Variants in ATP9B observed in about 807,000 individuals in gnomAD.
ATP9B encodes probable phospholipid-transporting ATPase IIB.
In ATP9B, 110 loss-of-function variants were observed where a neutral mutation model predicts 146.1. The ratio of observed to expected loss-of-function variants is 0.75; its 90% confidence interval spans 0.65 to 0.88. The LOEUF (loss-of-function observed/expected upper bound fraction) is 0.88. ATP9B is among the 40% of genes least tolerant of loss of function. ATP9B has a pLI of 0.00. For synonymous variants in ATP9B, 604 were observed against 569.7 expected, an observed-to-expected ratio of 1.06 and a Z score of -0.86; for missense variants, 1,499 against 1,496.4, an observed-to-expected ratio of 1.00 and a Z score of -0.03.
At chr18:79,302,457 C>G (rs187137056) in intron 13 of ATP9B, among the ~76,000 whole-genome samples, 1 of 150,994 alleles carries the variant, frequency 6.6e-6, no homozygotes, top group Non-Finnish European at 1.5e-5. Flanking sequence ...AGTGCACACA[C>G]CCCCGGGGAC....
chr18:79,277,374 T>C (rs2096323824), intron 13 of ATP9B, 178 bp downstream of exon 13: 1 of 660,850 alleles, frequency 1.5e-6, no homozygotes, highest in Admixed American at 3.0e-5. Context: ...CACAGCTTAA[T>C]CATCTTCTAG....
At chr18:79,241,104 G>T (rs1199636286) in intron 11 of ATP9B, among the ~76,000 whole-genome samples, 2 of 152,198 alleles carry the variant, frequency 1.3e-5, no homozygotes, top group African/African-American at 4.8e-5. Flanking sequence ...CTTATAATTT[G>T]TTAATAAATT....
intron 6 of ATP9B, chr18:79,144,357 C>T (rs1300018044): frequency 6.6e-6 from 1 of 152,228 alleles, no homozygotes; most frequent in East Asian, 1.9e-4. Context: ...TTTTCAGCAC[C>T]AGGAACCAGT....
intron 11 of ATP9B, among the ~76,000 whole-genome samples, chr18:79,227,182 T>C (rs931958750): frequency 8.5e-5 from 13 of 152,110 alleles, no homozygotes; most frequent in African/African-American, 2.7e-4. Context: ...TTTTTTAGTA[T>C]TTTTTGTTTT....
At chr18:79,323,404 G>A (rs531601197) in intron 15 of ATP9B, among the ~76,000 whole-genome samples, 4 of 152,046 alleles carry the variant, frequency 2.6e-5, no homozygotes, top group African/African-American at 9.7e-5. Flanking sequence ...CTGTATTTTT[G>A]TACCCATTCA....
intron 6 of ATP9B, chr18:79,144,179 C>T (rs2094548861): frequency 5.6e-6 from 1 of 177,952 alleles, no homozygotes; most frequent in African/African-American, 2.3e-5. Context: ...CTTCAGTTTT[C>T]AGAACTTCCT....
chr18:79,303,083 G>A (rs1046299935), intron 13 of ATP9B, among the ~76,000 whole-genome samples: 5 of 152,148 alleles, frequency 3.3e-5, no homozygotes, highest in Non-Finnish European at 7.3e-5. Context: ...ATTATTAAAC[G>A]TTGTTAGAGG....
intron 17 of ATP9B, among the ~76,000 whole-genome samples, chr18:79,333,389 C>G (rs2096802231): frequency 6.6e-6 from 1 of 152,240 alleles, no homozygotes; most frequent in Non-Finnish European, 1.5e-5. Flanking sequence ...CATGCAGATT[C>G]TCAGTGTTCA....
intron 4 of ATP9B, chr18:79,117,482 A>G (rs1458214031): frequency 6.6e-6 from 1 of 152,310 alleles, no homozygotes; most frequent in Admixed American, 6.5e-5. Flanking sequence ...GTCAGATATG[A>G]AACAGGGAAG....
intron 1 of ATP9B, among the ~76,000 whole-genome samples, chr18:79,081,230 C>T (rs778174583): frequency 6.6e-6 from 1 of 152,116 alleles, no homozygotes; most frequent in Non-Finnish European, 1.5e-5. Flanking sequence ...TAGAATTTGG[C>T]TGTGAATCCA....
At chr18:79,336,197 GCCTGTCCCCAGCACCGCCA>G (rs1568733492) in intron 17 of ATP9B, among the ~76,000 whole-genome samples, 2 of 138,288 alleles carry the variant, frequency 1.4e-5, no homozygotes, top group East Asian at 4.3e-4. Flanking sequence ...CGCTCCCCTC[GCCTGTCCCCAGCACCGCCA>G]TGTGCACCCT....
At chr18:79,377,226 T>A in intron 29 of ATP9B, 21 bp from the exon 30 acceptor site, 1 of 1,609,892 alleles carries the variant, frequency 6.2e-7, no homozygotes, top group South Asian at 1.1e-5. Context: ...TCTTACCTTT[T>A]TCTCTGTTTC....
chr18:79,230,755 G>C (rs572507997), intron 11 of ATP9B, among the ~76,000 whole-genome samples: 2 of 151,808 alleles, frequency 1.3e-5, no homozygotes, highest in Non-Finnish European at 2.9e-5. Context: ...AAAAGAGCTC[G>C]CATAGCCAAA....
chr18:79,195,876 A>G (rs571394715), intron 9 of ATP9B, among the ~76,000 whole-genome samples: 2 of 152,342 alleles, frequency 1.3e-5, no homozygotes, highest in South Asian at 4.1e-4. Flanking sequence ...GAAATACTCA[A>G]CATGAGAGTC....
intron 5 of ATP9B, among the ~76,000 whole-genome samples, chr18:79,135,578 C>T (rs1191482335): frequency 6.6e-6 from 1 of 152,156 alleles, no homozygotes; most frequent in Non-Finnish European, 1.5e-5. Flanking sequence ...GACTTCAGTT[C>T]GTTTTCAACC....
rs1469424488 is a variant in ATP9B at position 79,377,441 on chromosome 18, G to A, written c.*58G>A. 22 of 1,582,964 alleles carry A rather than the reference G, an allele frequency of 1.4e-5. No homozygotes were observed. The highest frequency in any genetic ancestry group is 4.0e-5 in the African/African-American group (3 of 74,466). On this transcript the variant is annotated 3_prime_UTR_variant, in exon 30 of 30. Coordinates refer to ENST00000426216, the MANE Select transcript of ATP9B (RefSeq NM_198531.5). ...CACCTTCTGCCCTTCCCAGCACCTT[G>A]TGCCCTTGCCAGTGAACGCAGGGTT... is the stretch of plus-strand genomic sequence containing the variant.
intron 15 of ATP9B, among the ~76,000 whole-genome samples, chr18:79,327,659 T>TTAGTGTGCTCTCTCCATGG: frequency 9.4e-6 from 1 of 106,010 alleles, no homozygotes; most frequent in Non-Finnish European, 1.9e-5. Context: ...GCTCTCCGTG[T>TTAGTGTGCTCTCTCCATGG]TTAGCGTGCT....
intron 8 of ATP9B, among the ~76,000 whole-genome samples, chr18:79,181,772 T>G (rs2095255135): frequency 1.3e-5 from 2 of 152,340 alleles, no homozygotes; most frequent in South Asian, 4.1e-4. Context: ...TTTTTGTTGT[T>G]TAAATACCTT....
At position 79,314,706 on chromosome 18, in the gene ATP9B, C is replaced by T. The variant is rs146379722; in HGVS notation, c.1773+7472C>T. Among the ~76,000 whole-genome samples the T allele has an allele frequency of 8.5e-4, 129 of 152,330 alleles. 2 individuals carry two copies. The East Asian group carries it at 0.018, about 21-fold the overall frequency. On this transcript the variant is annotated intron_variant, in intron 15 of 29. Transcript: ENST00000426216. ...GAAAGTTCTGCTTGCCTATCACTTG[C>T]TCTCCGCAGGCTCAGCATAGCAGGC...
Sources: allele counts gnomAD v4.1 joint callset (sites outside exome capture counted in the v4.1 genomes callset), GRCh38; gene constraint gnomAD v4.1.1; transcripts MANE v1.5; gene names NCBI Gene and HGNC (gene_info 2026-07-23, HGNC 2026-07-21).